The following PDE4B variants were observed in gnomAD, a reference collection of about 807,000 sequenced individuals.
PDE4B encodes the protein phosphodiesterase 4B, also known as 3',5'-cyclic-AMP phosphodiesterase 4B.
PDE4B carries 20 observed loss-of-function variants against 82.2 expected under a neutral mutation model. The ratio of observed to expected loss-of-function variants is 0.24; its 90% CI spans 0.17 to 0.35. PDE4B has a LOEUF of 0.35. Ranked by LOEUF, PDE4B falls within the 10% of genes least tolerant of loss-of-function variation. The pLI is 1.00. For missense variants in PDE4B, 655 were observed against 907.2 expected (o/e 0.72, Z 3.57); for synonymous variants, 320 against 318.9 (o/e 1.00, Z -0.04).
intron 3 of PDE4B, among the ~76,000 whole-genome samples, chr1:66,098,919 G>A (rs914011265): frequency 9.9e-5 from 15 of 152,122 alleles, no homozygotes; most frequent in Admixed American, 5.9e-4. Flanking sequence ...GATACAGTGA[G>A]AATTGAATTA....
chr1:65,911,230 A>G lies in PDE4B; in HGVS notation c.-70-2015A>G, dbSNP rs972736501. 2.0e-5 allele frequency among the ~76,000 whole-genome samples: 3 copies of G among 152,152 alleles called. 1 individual carries two copies. The highest frequency in any genetic ancestry group is 4.1e-4 in the South Asian group (2 of 4,826). ...CTCTCTGCCTGTTGTAAGCTTCCTC[A>G]TCATGGCATCTTTCTACATGTATTG... On this transcript the variant is annotated intron_variant, in intron 1 of 16. Transcript: ENST00000341517.
chr1:66,296,250 T>A (rs528364721), intron 7 of PDE4B, among the ~76,000 whole-genome samples: 1 of 152,310 alleles, frequency 6.6e-6, no homozygotes, highest in East Asian at 1.9e-4. Context: ...GCCTAATGCT[T>A]GGCACATACC....
intron 7 of PDE4B, among the ~76,000 whole-genome samples, chr1:66,299,620 T>G (rs1032591968): frequency 6.6e-6 from 1 of 152,194 alleles, no homozygotes; most frequent in African/African-American, 2.4e-5. Flanking sequence ...TATTTAAGCT[T>G]TGTTGCAAAA....
chr1:65,947,539 C>T (rs892329595), intron 3 of PDE4B, among the ~76,000 whole-genome samples: 64 of 151,898 alleles, frequency 4.2e-4, no homozygotes, highest in African/African-American at 1.4e-3. Context: ...TGAATGTGAC[C>T]TTGTTTAGAA....
intron 3 of PDE4B, among the ~76,000 whole-genome samples, chr1:66,242,882 A>G (rs1454034328): frequency 6.6e-6 from 1 of 152,210 alleles, no homozygotes; most frequent in Non-Finnish European, 1.5e-5. Context: ...CTGCTGGCTC[A>G]CGTGTCACCA....
chr1:65,987,864 T>C (rs186005906), intron 3 of PDE4B, among the ~76,000 whole-genome samples: 12 of 152,346 alleles, frequency 7.9e-5, no homozygotes, highest in South Asian at 2.1e-4. Flanking sequence ...TCCGCCCGCA[T>C]TGGCCTCCCA....
At chr1:66,169,291 G>A (rs111989448) in intron 3 of PDE4B, among the ~76,000 whole-genome samples, 1 of 152,156 alleles carries the variant, frequency 6.6e-6, no homozygotes, top group East Asian at 1.9e-4. Flanking sequence ...AAGTGCTATT[G>A]TATCTGCTTA....
intron 3 of PDE4B, among the ~76,000 whole-genome samples, chr1:66,119,842 G>T (rs1400558281): frequency 1.3e-5 from 2 of 152,088 alleles, no homozygotes; most frequent in Non-Finnish European, 2.9e-5. Context: ...AAAAAAGAGA[G>T]AATTTGGACC....
intron 7 of PDE4B, among the ~76,000 whole-genome samples, chr1:66,324,172 C>CT (rs1659596098): frequency 6.6e-6 from 1 of 152,154 alleles, no homozygotes. Context: ...TTTGCCTTGA[C>CT]TAAGCCTATC....
intron 1 of PDE4B, among the ~76,000 whole-genome samples, chr1:65,794,021 C>T (rs775882538): frequency 3.0e-4 from 46 of 152,030 alleles, no homozygotes; most frequent in Non-Finnish European, 5.4e-4. Context: ...ACAGAAGAAT[C>T]GCTCTTAATT....
intron 3 of PDE4B, among the ~76,000 whole-genome samples, chr1:66,065,397 G>T (rs550734664): frequency 1.4e-4 from 22 of 151,962 alleles, no homozygotes; most frequent in African/African-American, 4.6e-4. Flanking sequence ...TATGTGTGGT[G>T]GGTGTATTTC....
At chr1:65,946,771 T>A (rs1381909230) in intron 3 of PDE4B, among the ~76,000 whole-genome samples, 1 of 151,994 alleles carries the variant, frequency 6.6e-6, no homozygotes, top group Non-Finnish European at 1.5e-5. Flanking sequence ...GACCCATTTG[T>A]TGCCTGGGGC....
At chr1:66,043,514 A>G (rs887838492) in intron 3 of PDE4B, among the ~76,000 whole-genome samples, 3 of 151,806 alleles carry the variant, frequency 2.0e-5, no homozygotes, top group Non-Finnish European at 4.4e-5. Context: ...AGGGGAACAT[A>G]GAAACCAAAC....
chr1:66,125,770 C>T (rs1054388727), intron 3 of PDE4B, among the ~76,000 whole-genome samples: 2 of 152,134 alleles, frequency 1.3e-5, no homozygotes, highest in South Asian at 2.1e-4. Context: ...ATTTGTTGAA[C>T]ATTAATTTTA....
At chr1:66,333,009 T>C (rs1345087634) in intron 8 of PDE4B, among the ~76,000 whole-genome samples, 1 of 152,246 alleles carries the variant, frequency 6.6e-6, no homozygotes, top group Non-Finnish European at 1.5e-5. Flanking sequence ...GTGTCACATA[T>C]TTATTTTTAA....
chr1:66,248,724 C>T (rs751034441), intron 4 of PDE4B, among the ~76,000 whole-genome samples: 10 of 152,196 alleles, frequency 6.6e-5, no homozygotes, highest in Non-Finnish European at 1.2e-4. Flanking sequence ...AAGCATATCT[C>T]ATTCTCAAAA....
chr1:65,832,076 C>T (rs1223102460), intron 1 of PDE4B, among the ~76,000 whole-genome samples: 1 of 152,096 alleles, frequency 6.6e-6, no homozygotes, highest in Admixed American at 6.6e-5. Flanking sequence ...CTTGAGATTC[C>T]ACTATATTGC....
At chr1:66,306,006 G>T (rs1308744330) in intron 7 of PDE4B, among the ~76,000 whole-genome samples, 1 of 152,078 alleles carries the variant, frequency 6.6e-6, no homozygotes, top group Non-Finnish European at 1.5e-5. Flanking sequence ...TCCAGCATGG[G>T]AATCAAGGAA....
intron 3 of PDE4B, among the ~76,000 whole-genome samples, chr1:66,129,919 C>T (rs1013868489): frequency 3.9e-5 from 6 of 152,090 alleles, no homozygotes; most frequent in African/African-American, 1.4e-4. Context: ...CATGCATGGG[C>T]CAGCTAATGT....
Sources: allele counts gnomAD v4.1 joint callset (sites outside exome capture counted in the v4.1 genomes callset), GRCh38; gene constraint gnomAD v4.1.1; transcripts MANE v1.5; gene names NCBI Gene and HGNC (gene_info 2026-07-23, HGNC 2026-07-21).